The following CYYR1 variants were observed in gnomAD, a reference collection of about 807,000 sequenced individuals.
The protein encoded by CYYR1 is cysteine and tyrosine rich 1, also known as cysteine and tyrosine-rich protein 1.
A neutral mutation model predicts 15.2 loss-of-function variants in CYYR1; 14 were observed. That is an observed-to-expected ratio of 0.92 (90% CI 0.61 to 1.44). CYYR1 has a LOEUF of 1.44. Ranked by LOEUF, CYYR1 falls within the 40% of genes most tolerant of loss-of-function variation. CYYR1 has a pLI of 0.00. For missense variants in CYYR1, 228 were observed against 209.5 expected (o/e 1.09, Z -0.54); for synonymous variants, 80 against 77.4 (o/e 1.03, Z -0.18).
At chr21:26,482,627 G>T in intron 2 of CYYR1, 1 of 420,400 alleles carries the variant, frequency 2.4e-6, no homozygotes, top group Non-Finnish European at 3.2e-6. Context: ...TCAAGTCTTT[G>T]AATGCCTGAA....
At chr21:26,529,346 A>G (rs557974251) in intron 2 of CYYR1, among the ~76,000 whole-genome samples, 3 of 151,952 alleles carry the variant, frequency 2.0e-5, no homozygotes, top group South Asian at 2.1e-4. Flanking sequence ...TAAACTGGCT[A>G]TAAATTACCT....
At chr21:26,545,716 A>T (rs1978925463) in intron 2 of CYYR1, among the ~76,000 whole-genome samples, 1 of 151,628 alleles carries the variant, frequency 6.6e-6, no homozygotes, top group Admixed American at 6.6e-5. Flanking sequence ...AGTAGCTGGG[A>T]CTACAGGCGC....
At chr21:26,521,496 C>T (rs2123562584) in intron 2 of CYYR1, among the ~76,000 whole-genome samples, 1 of 152,208 alleles carries the variant, frequency 6.6e-6, no homozygotes, top group African/African-American at 2.4e-5. Context: ...TAACAAATTC[C>T]CATAAGAAAC....
At chr21:26,562,095 T>C (rs1215062282) in intron 2 of CYYR1, among the ~76,000 whole-genome samples, 1 of 152,230 alleles carries the variant, frequency 6.6e-6, no homozygotes, top group Non-Finnish European at 1.5e-5. Flanking sequence ...CTGAATCAAA[T>C]GTTTGAGAAT....
intron 2 of CYYR1, among the ~76,000 whole-genome samples, chr21:26,508,030 C>G (rs1026838218): frequency 6.6e-6 from 1 of 152,020 alleles, no homozygotes; most frequent in Non-Finnish European, 1.5e-5. Context: ...ATGAGGGATC[C>G]TGAAGGTGAG....
intron 2 of CYYR1, among the ~76,000 whole-genome samples, chr21:26,492,201 G>A (rs900068866): frequency 6.6e-6 from 1 of 152,160 alleles, no homozygotes; most frequent in South Asian, 2.1e-4. Flanking sequence ...GCTCCAAAGA[G>A]TTTCTGAGTT....
intron 2 of CYYR1, among the ~76,000 whole-genome samples, chr21:26,516,364 A>G (rs1374399908): frequency 2.6e-5 from 4 of 152,248 alleles, no homozygotes; most frequent in African/African-American, 9.6e-5. Flanking sequence ...ATATTAATGC[A>G]TTTATTAATA....
At chr21:26,492,999 G>C (rs2065349075) in intron 2 of CYYR1, among the ~76,000 whole-genome samples, 1 of 152,122 alleles carries the variant, frequency 6.6e-6, no homozygotes, top group Non-Finnish European at 1.5e-5. Flanking sequence ...GTGTGTGAAA[G>C]GGTAACTTAG....
intron 2 of CYYR1, among the ~76,000 whole-genome samples, chr21:26,558,301 C>T (rs1206121153): frequency 6.6e-6 from 1 of 152,040 alleles, no homozygotes; most frequent in African/African-American, 2.4e-5. Context: ...ACCCATATGC[C>T]ACTACCTGGA....
intron 2 of CYYR1, among the ~76,000 whole-genome samples, chr21:26,520,407 T>C (rs540178570): frequency 6.6e-6 from 1 of 152,208 alleles, no homozygotes; most frequent in East Asian, 1.9e-4. Context: ...AAGGACATGA[T>C]CTCATTCCTT....
chr21:26,474,553 G>A (rs1274273019), intron 3 of CYYR1, among the ~76,000 whole-genome samples: 1 of 151,408 alleles, frequency 6.6e-6, no homozygotes, highest in Non-Finnish European at 1.5e-5. Flanking sequence ...ATCAATATCT[G>A]TGGTGTGTCC....
chr21:26,517,299 C>T (rs897738091), intron 2 of CYYR1, among the ~76,000 whole-genome samples: 3 of 152,050 alleles, frequency 2.0e-5, no homozygotes, highest in South Asian at 4.1e-4. Context: ...TTGTTTACTT[C>T]ATATTATTAG....
intron 2 of CYYR1, chr21:26,551,563 G>A (rs1169297879): frequency 6.5e-6 from 1 of 152,806 alleles, no homozygotes; most frequent in Non-Finnish European, 1.5e-5. Flanking sequence ...GGATGACTTT[G>A]ATGGGTTCAA....
chr21:26,490,095 G>A (rs1457360644), intron 2 of CYYR1, among the ~76,000 whole-genome samples: 3 of 152,004 alleles, frequency 2.0e-5, no homozygotes, highest in South Asian at 2.1e-4. Flanking sequence ...CTTGAGCCAG[G>A]AGTTCAACAC....
intron 2 of CYYR1, among the ~76,000 whole-genome samples, chr21:26,559,996 T>C (rs189220586): frequency 4.7e-4 from 72 of 152,300 alleles, no homozygotes; most frequent in Middle Eastern, 6.8e-3. Context: ...TGGATTTTGA[T>C]TGGAATTGCA....
chr21:26,519,867 A>G (rs1284754714), intron 2 of CYYR1, among the ~76,000 whole-genome samples: 2 of 152,092 alleles, frequency 1.3e-5, no homozygotes, highest in Non-Finnish European at 2.9e-5. Context: ...TCACCCAGCA[A>G]TCCCATTACT....
chr21:26,515,156 A>G (rs190878191), intron 2 of CYYR1, among the ~76,000 whole-genome samples: 4 of 152,322 alleles, frequency 2.6e-5, no homozygotes, highest in African/African-American at 9.6e-5. Context: ...AGAACATACT[A>G]GTTGCCCTAG....
chr21:26,517,985 C>A (rs1222106545), intron 2 of CYYR1, among the ~76,000 whole-genome samples: 1 of 152,158 alleles, frequency 6.6e-6, no homozygotes, highest in Non-Finnish European at 1.5e-5. Context: ...CTCACCTGAC[C>A]CTGAGGTCTT....
At chr21:26,472,385 A>G (rs1379206179) in intron 3 of CYYR1, among the ~76,000 whole-genome samples, 2 of 152,124 alleles carry the variant, frequency 1.3e-5, no homozygotes. Context: ...TGGCTTAAGT[A>G]ACACATACAT....
Sources: allele counts gnomAD v4.1 joint callset (sites outside exome capture counted in the v4.1 genomes callset), GRCh38; gene constraint gnomAD v4.1.1; transcripts MANE v1.5; gene names NCBI Gene and HGNC (gene_info 2026-07-23, HGNC 2026-07-21).